Variants in LRFN5 observed in about 807,000 individuals in gnomAD.
The protein encoded by LRFN5 is leucine rich repeat and fibronectin type III domain containing 5.
LRFN5 carries 24 observed loss-of-function variants against 45.6 expected under a neutral mutation model. That is an observed-to-expected ratio of 0.53 (90% CI 0.38 to 0.74). LRFN5 has a LOEUF of 0.74. LRFN5 is among the 30% of genes least tolerant of loss of function. LRFN5 has a pLI of 0.00. For synonymous variants in LRFN5, 340 were observed against 313.8 expected (o/e 1.08, Z -0.88); for missense variants, 776 against 861.5 (o/e 0.90, Z 1.24).
intron 2 of LRFN5, among the ~76,000 whole-genome samples, chr14:41,860,764 C>T (rs1396534420): frequency 6.6e-6 from 1 of 152,168 alleles, no homozygotes; most frequent in Non-Finnish European, 1.5e-5. Context: ...AGTCATTTCT[C>T]CAGAACTCCC....
intron 2 of LRFN5, among the ~76,000 whole-genome samples, chr14:41,784,660 G>C (rs374817956): frequency 6.6e-6 from 1 of 151,630 alleles, no homozygotes; most frequent in East Asian, 1.9e-4. Context: ...ACAGAGTCTC[G>C]CTCTGTCACC....
intron 1 of LRFN5, among the ~76,000 whole-genome samples, chr14:41,694,172 C>G (rs1378844145): frequency 6.6e-6 from 1 of 151,854 alleles, no homozygotes; most frequent in East Asian, 1.9e-4. Context: ...ATCTCATTTA[C>G]TTGATTTTTT....
At chr14:41,807,486 A>G (rs1887563923) in intron 2 of LRFN5, among the ~76,000 whole-genome samples, 1 of 152,160 alleles carries the variant, frequency 6.6e-6, no homozygotes, top group South Asian at 2.1e-4. Context: ...GGAATATGGA[A>G]AACATCTGAT....
chr14:41,887,747 A>C lies in LRFN5; in HGVS notation c.1122A>C (p.Ile374=). ...GEATQIVDLH[I]IKLPHLLNST... is the part of the protein sequence containing the mutation. Reference sequence around the variant, plus strand: ...CAACACAAATAGTGGATCTTCATATAATTAAGCTCCCTCACTTACTAAATA... The same window carrying C: ...CAACACAAATAGTGGATCTTCATATCATTAAGCTCCCTCACTTACTAAATA... The change falls in exon 3 of 6, where the codon ATA becomes ATC. Residue 374 remains isoleucine, a synonymous_variant. Coordinates refer to ENST00000298119, the MANE Select transcript of LRFN5 (RefSeq NM_152447.5). The surrounding 1 kb of genome is among the most constrained non-coding windows in gnomAD (Gnocchi z 4.8). The C allele has an allele frequency of 6.2e-7, 1 of 1,613,982 alleles. No individual in the cohort carries two copies.
intron 1 of LRFN5, among the ~76,000 whole-genome samples, chr14:41,680,260 T>G (rs949238545): frequency 6.6e-6 from 1 of 152,124 alleles, no homozygotes; most frequent in African/African-American, 2.4e-5. Flanking sequence ...CCTATGGCCT[T>G]GAACAAACAT....
intron 1 of LRFN5, among the ~76,000 whole-genome samples, chr14:41,722,565 G>GTTTTTTTT (rs201341679): frequency 1.4e-5 from 2 of 145,770 alleles, no homozygotes; most frequent in Non-Finnish European, 1.5e-5. Context: ...AAAATACGGT[G>GTTTTTTTT]TTTTTTTTTT....
chr14:41,667,675 T>TA (rs981336325), intron 1 of LRFN5, among the ~76,000 whole-genome samples: 1 of 152,098 alleles, frequency 6.6e-6, no homozygotes, highest in Non-Finnish European at 1.5e-5. Flanking sequence ...CCTGAATGGG[T>TA]AGACCTCTAT....
At chr14:41,846,756 C>A (rs1889083088) in intron 2 of LRFN5, among the ~76,000 whole-genome samples, 1 of 152,102 alleles carries the variant, frequency 6.6e-6, no homozygotes, top group African/African-American at 2.4e-5. Context: ...AGAGCAGAAT[C>A]TGTCTTCTGT....
chr14:41,690,690 T>G (rs1289930757), intron 1 of LRFN5, among the ~76,000 whole-genome samples: 1 of 152,148 alleles, frequency 6.6e-6, no homozygotes, highest in African/African-American at 2.4e-5. Context: ...ATTTATATCT[T>G]TTGGTGAAAG....
At chr14:41,764,286 CCTTT>C (rs1202626268) in intron 1 of LRFN5, among the ~76,000 whole-genome samples, 1 of 152,062 alleles carries the variant, frequency 6.6e-6, no homozygotes, top group Non-Finnish European at 1.5e-5. Context: ...GGTTAGTTGA[CCTTT>C]CTCTGTCCTT....
At chr14:41,796,784 C>G (rs906532124) in intron 2 of LRFN5, among the ~76,000 whole-genome samples, 1 of 151,854 alleles carries the variant, frequency 6.6e-6, no homozygotes, top group African/African-American at 2.4e-5. Context: ...GGTTTCATTT[C>G]TTGCTTTGGG....
intron 2 of LRFN5, among the ~76,000 whole-genome samples, chr14:41,774,409 A>T (rs1248593201): frequency 2.0e-5 from 3 of 152,218 alleles, no homozygotes; most frequent in Non-Finnish European, 4.4e-5. Context: ...CCTTTACAGC[A>T]AGAAAAACAT....
At chr14:41,616,704 T>C (rs903413189) in intron 1 of LRFN5, among the ~76,000 whole-genome samples, 2 of 152,156 alleles carry the variant, frequency 1.3e-5, no homozygotes, top group African/African-American at 4.8e-5. Context: ...TTATCCATAG[T>C]CTTGAATGTT....
At chr14:41,801,994 T>A (rs12434724) in intron 2 of LRFN5, among the ~76,000 whole-genome samples, 22,867 of 151,982 alleles carry the variant, frequency 0.15, 1,852 homozygotes, top group Non-Finnish European at 0.18. Context: ...AAATTGAGGA[T>A]GTCTTATGGT....
At chr14:41,744,821 G>T (rs1258158609) in intron 1 of LRFN5, among the ~76,000 whole-genome samples, 1 of 152,222 alleles carries the variant, frequency 6.6e-6, no homozygotes, top group African/African-American at 2.4e-5. Flanking sequence ...AATAAAAGTT[G>T]AGCAAGAGTA....
At chr14:41,824,900 G>A (rs1428939018) in intron 2 of LRFN5, among the ~76,000 whole-genome samples, 2 of 152,006 alleles carry the variant, frequency 1.3e-5, no homozygotes, top group African/African-American at 2.4e-5. Flanking sequence ...TCCAAGTCCC[G>A]GGCAAGCAAA....
At chr14:41,698,540 G>A (rs532934457) in intron 1 of LRFN5, among the ~76,000 whole-genome samples, 6 of 151,884 alleles carry the variant, frequency 4.0e-5, no homozygotes, top group Non-Finnish European at 4.4e-5. Context: ...TTTGGCACTC[G>A]GGTATCTATA....
chr14:41,791,935 C>T (rs893917064), intron 2 of LRFN5, among the ~76,000 whole-genome samples: 2 of 152,060 alleles, frequency 1.3e-5, no homozygotes, highest in Admixed American at 1.3e-4. Flanking sequence ...CTTTGGCTAT[C>T]CATTATGGTT....
intron 2 of LRFN5, among the ~76,000 whole-genome samples, chr14:41,845,978 A>G (rs1039036913): frequency 2.6e-5 from 4 of 152,194 alleles, no homozygotes; most frequent in African/African-American, 7.2e-5. Context: ...TTGTTTCAGA[A>G]AGAAAACCAA....
Sources: gnomAD v4.1 joint callset for allele counts (sites outside exome capture counted in the v4.1 genomes callset) on GRCh38, gnomAD v4.1.1 for gene constraint, Gnocchi (gnomAD v3.1) non-coding constraint, MANE v1.5 for transcripts, NCBI Gene and HGNC (gene_info 2026-07-23, HGNC 2026-07-21) for gene names.